Variants in CHSY3 observed in about 807,000 individuals in gnomAD.
The protein encoded by CHSY3 is N-acetylgalactosaminyl-proteoglycan 3-beta-glucuronosyltransferase 3.
A neutral mutation model predicts 67.2 loss-of-function variants in CHSY3; 35 were observed. The observed-to-expected ratio is 0.52, with a 90% CI of 0.40 to 0.69. The LOEUF (loss-of-function observed/expected upper bound fraction) is 0.69, where lower values mean the gene tolerates loss of function less well. Among genes scored for constraint, CHSY3 ranks in the 30% least tolerant of loss-of-function variants. The probability of loss-of-function intolerance (pLI) is 0.00; values close to 1 mark genes in which losing one functional copy is unlikely to be tolerated. For missense variants in CHSY3, 1,069 were observed against 1,138.5 expected, an observed-to-expected ratio of 0.94 and a Z score of 0.88; for synonymous variants, 474 against 434.7, an observed-to-expected ratio of 1.09 and a Z score of -1.12.
Position 129,905,043 on chromosome 5 carries a change from C to G in CHSY3, c.214C>G (p.Gln72Glu). 6.4e-7 allele frequency: 1 copy of G among 1,552,100 alleles called. No homozygotes were observed. The highest frequency in any genetic ancestry group is 8.7e-7 in the Non-Finnish European group (1 of 1,155,426). ...CCCCCAGCCCCAGTCCCGACCACGGCAGGAGCAGTCGCCGCCCCCCGCGCG... is the reference window on the plus strand; with the variant it reads ...CCCCCAGCCCCAGTCCCGACCACGGGAGGAGCAGTCGCCGCCCCCCGCGCG... ...PLPQPQSRPR[Q>E]EQSPPPARQD... is the part of the protein sequence containing the mutation. The change falls in exon 1 of 3, where the codon CAG becomes GAG. Residue 72 changes from glutamine (Q) to glutamate (E), a missense_variant. Coordinates refer to ENST00000305031, the MANE Select transcript of CHSY3 (RefSeq NM_175856.5).
intron 2 of CHSY3, among the ~76,000 whole-genome samples, chr5:130,058,398 C>G (rs1765602664): frequency 6.6e-6 from 1 of 152,122 alleles, no homozygotes; most frequent in Admixed American, 6.6e-5. Flanking sequence ...GAGGCTGAGG[C>G]AGGTGGATCA....
intron 2 of CHSY3, among the ~76,000 whole-genome samples, chr5:129,965,370 C>T (rs1331279729): frequency 1.3e-5 from 2 of 151,900 alleles, no homozygotes; most frequent in Admixed American, 6.6e-5. Flanking sequence ...GATTTTATTG[C>T]AGAATTTCCA....
chr5:130,036,780 T>C (rs1014700603), intron 2 of CHSY3, among the ~76,000 whole-genome samples: 1 of 152,156 alleles, frequency 6.6e-6, no homozygotes, highest in Non-Finnish European at 1.5e-5. Context: ...TGAAACCAGC[T>C]CTGTGTGTGT....
At chr5:129,958,028 A>G (rs984227937) in intron 2 of CHSY3, among the ~76,000 whole-genome samples, 6 of 151,930 alleles carry the variant, frequency 3.9e-5, no homozygotes, top group African/African-American at 1.2e-4. Context: ...ATTCCGCTTT[A>G]TGTTCTAAAC....
At chr5:130,100,220 C>T (rs577920339) in intron 2 of CHSY3, among the ~76,000 whole-genome samples, 21 of 152,178 alleles carry the variant, frequency 1.4e-4, no homozygotes, top group Non-Finnish European at 2.9e-4. Flanking sequence ...CTCGCTCTGT[C>T]GCCCAGGCTG....
chr5:130,167,633 T>C (rs1769786357), intron 2 of CHSY3, among the ~76,000 whole-genome samples: 1 of 152,130 alleles, frequency 6.6e-6, no homozygotes, highest in African/African-American at 2.4e-5. Context: ...GATCTAAAAG[T>C]ATAAGCCCTT....
At chr5:130,163,810 T>C (rs930483476) in intron 2 of CHSY3, among the ~76,000 whole-genome samples, 1 of 152,194 alleles carries the variant, frequency 6.6e-6, no homozygotes, top group Non-Finnish European at 1.5e-5. Context: ...TAAAGCATTA[T>C]AGTAAACACC....
intron 2 of CHSY3, among the ~76,000 whole-genome samples, chr5:130,063,826 T>C (rs1053921115): frequency 2.6e-5 from 4 of 152,182 alleles, no homozygotes; most frequent in African/African-American, 9.6e-5. Flanking sequence ...GTGGAGCCTC[T>C]TTTATCTGGG....
chr5:129,944,062 A>G (rs1761774882), intron 2 of CHSY3, among the ~76,000 whole-genome samples: 1 of 152,240 alleles, frequency 6.6e-6, no homozygotes, highest in South Asian at 2.1e-4. Context: ...TGATAGTTAC[A>G]GAACTATCAT....
chr5:130,028,796 CT>C (rs1764628445), intron 2 of CHSY3, among the ~76,000 whole-genome samples: 1 of 151,854 alleles, frequency 6.6e-6, no homozygotes, highest in Non-Finnish European at 1.5e-5. Flanking sequence ...ATTTCTCTAT[CT>C]TTTTTCTTTT....
chr5:129,966,236 A>G (rs963333921), intron 2 of CHSY3, among the ~76,000 whole-genome samples: 7 of 152,048 alleles, frequency 4.6e-5, no homozygotes, highest in African/African-American at 1.4e-4. Flanking sequence ...ATCCAAATAC[A>G]TTCATCTTTG....
chr5:129,948,325 C>T (rs1353574768), intron 2 of CHSY3, among the ~76,000 whole-genome samples: 1 of 152,124 alleles, frequency 6.6e-6, no homozygotes, highest in Admixed American at 6.6e-5. Context: ...GTCTTTATCC[C>T]TCACCCCTCC....
chr5:129,912,571 C>T (rs1760600912), intron 2 of CHSY3, among the ~76,000 whole-genome samples: 1 of 152,124 alleles, frequency 6.6e-6, no homozygotes, highest in Non-Finnish European at 1.5e-5. Flanking sequence ...TTTTCTATTT[C>T]CTTCCGCTTG....
At chr5:129,953,702 G>T (rs545959192) in intron 2 of CHSY3, among the ~76,000 whole-genome samples, 1 of 152,210 alleles carries the variant, frequency 6.6e-6, no homozygotes, top group African/African-American at 2.4e-5. Context: ...CCTCATTGTG[G>T]TTTTGATTTG....
chr5:130,160,479 C>A (rs996240016), intron 2 of CHSY3, among the ~76,000 whole-genome samples: 1 of 152,146 alleles, frequency 6.6e-6, no homozygotes, highest in African/African-American at 2.4e-5. Context: ...TAAATCCATC[C>A]CTTTGCCCAT....
intron 2 of CHSY3, among the ~76,000 whole-genome samples, chr5:130,146,636 A>G (rs539212154): frequency 5.3e-5 from 8 of 152,296 alleles, no homozygotes; most frequent in Admixed American, 2.0e-4. Flanking sequence ...CCACAAAGAA[A>G]TGATAAATGC....
intron 2 of CHSY3, among the ~76,000 whole-genome samples, chr5:129,957,127 A>G (rs950452254): frequency 3.3e-5 from 5 of 151,990 alleles, no homozygotes; most frequent in African/African-American, 9.7e-5. Context: ...TGTTCGTGCC[A>G]TCTCTGATTT....
rs547935765 is a variant in CHSY3 at position 129,911,200 on chromosome 5, A to G, written c.1086+2840A>G. 5.3e-5 allele frequency among the ~76,000 whole-genome samples: 8 copies of G among 151,946 alleles called. No individual in the cohort carries two copies. In the East Asian group the frequency reaches 1.3e-3, roughly 26 times the overall value. ...TAATTGTATAGTTTCCTTGAATATA[A>G]GTTATATTTTTTAAAAATCCAGGAT... On this transcript the variant is annotated intron_variant, in intron 2 of 2. Transcript: ENST00000305031.
intron 2 of CHSY3, among the ~76,000 whole-genome samples, chr5:130,147,307 G>C (rs534297166): frequency 6.6e-6 from 1 of 152,244 alleles, no homozygotes; most frequent in South Asian, 2.1e-4. Flanking sequence ...TAAAGCATAC[G>C]TGAGTTGTGA....
Sources: gnomAD v4.1 joint callset for allele counts (sites outside exome capture counted in the v4.1 genomes callset) on GRCh38, gnomAD v4.1.1 for gene constraint, MANE v1.5 for transcripts, NCBI Gene and HGNC (gene_info 2026-07-23, HGNC 2026-07-21) for gene names.